TCF7L2: variants seen among roughly 807,000 people sequenced by gnomAD.
TCF7L2 encodes the protein transcription factor 7-like 2.
In TCF7L2, 23 loss-of-function variants were observed where a neutral mutation model predicts 77.9. The observed-to-expected ratio is 0.30, with a 90% confidence interval of 0.21 to 0.42. The LOEUF (loss-of-function observed/expected upper bound fraction) is 0.42. TCF7L2 is among the 10% of genes least tolerant of loss of function. The probability of loss-of-function intolerance (pLI) is 1.00; values close to 1 mark genes in which losing one functional copy is unlikely to be tolerated. For synonymous variants in TCF7L2, 413 were observed against 340.2 expected, an observed-to-expected ratio of 1.21 and a Z score of -2.36; for missense variants, 654 against 793.1, an observed-to-expected ratio of 0.82 and a Z score of 2.11.
intron 4 of TCF7L2, among the ~76,000 whole-genome samples, chr10:113,037,621 T>G (rs2051564520): frequency 6.6e-6 from 1 of 152,210 alleles, no homozygotes; most frequent in South Asian, 2.1e-4. Context: ...TAAGTCTCCA[T>G]GTTAATATTG....
rs567179932 is a variant in TCF7L2 at position 112,985,691 on chromosome 10, T to C, written c.450+21067T>C. Among the ~76,000 whole-genome samples the C allele has an allele frequency of 2.6e-5, 4 of 152,174 alleles. No individual in the cohort carries two copies. The East Asian group carries it at 7.7e-4, about 29-fold the overall frequency. On this transcript the variant is annotated intron_variant, in intron 4 of 13. Coordinates refer to ENST00000627217, the MANE Select transcript of TCF7L2 (RefSeq NM_001146274.2). ...CCTTGCTTTTTTTTGGGTGGAAGGG[T>C]CCTCGATTGGAGCCTCCTGGGGCGA...
At chr10:112,977,176 G>T (rs2039577795) in intron 4 of TCF7L2, among the ~76,000 whole-genome samples, 1 of 152,082 alleles carries the variant, frequency 6.6e-6, no homozygotes, top group Admixed American at 6.6e-5. Context: ...CCAGATTTTT[G>T]AGGTTGAGAT....
intron 5 of TCF7L2, among the ~76,000 whole-genome samples, chr10:113,069,157 G>A (rs2057633608): frequency 1.3e-5 from 2 of 152,106 alleles, no homozygotes; most frequent in African/African-American, 2.4e-5. Flanking sequence ...CCCCTTGGAA[G>A]GGGATGGTGG....
At chr10:113,067,878 GA>G (rs1222063731) in intron 5 of TCF7L2, among the ~76,000 whole-genome samples, 1 of 42,696 alleles carries the variant, frequency 2.3e-5, no homozygotes, top group South Asian at 7.2e-4. Flanking sequence ...TTTTTGGTGG[GA>G]GGGGGCTAGA....
intron 5 of TCF7L2, chr10:113,129,941 C>G: frequency 7.7e-7 from 1 of 1,293,618 alleles, no homozygotes; most frequent in Non-Finnish European, 1.0e-6. Context: ...TCCGGGGTCT[C>G]TCTGTTCCAG....
chr10:112,960,312 A>G (rs1231517180), intron 3 of TCF7L2, among the ~76,000 whole-genome samples: 1 of 152,166 alleles, frequency 6.6e-6, no homozygotes, highest in Non-Finnish European at 1.5e-5. Flanking sequence ...ATAATAAGGG[A>G]AGGGGTTAAT....
rs145396474 is a variant in TCF7L2 at position 113,160,832 on chromosome 10, T to G, written c.1391+141T>G. 5 of 795,740 alleles carry G rather than the reference T, an allele frequency of 6.3e-6. No homozygotes were observed. The African/African-American group carries it at 9.0e-5, about 14-fold the overall frequency. The allele number at this position is 795,740 out of a possible 1,614,324, so 49.3% of individuals were successfully genotyped here. Reference sequence around the variant, plus strand: ...ACTAATGATCCTCATTCTTCAAAATTTCCTTGCTAATTTTATGCCATTTCC... The same window carrying G: ...ACTAATGATCCTCATTCTTCAAAATGTCCTTGCTAATTTTATGCCATTTCC... On this transcript the variant is annotated intron_variant, in intron 13 of 13. Coordinates refer to ENST00000627217, the MANE Select transcript of TCF7L2 (RefSeq NM_001146274.2).
In TCF7L2 at chr10:113,141,180, A is replaced by C. The variant is rs2136838281; in HGVS notation, c.553-4A>C. On this transcript the variant is annotated splice_polypyrimidine_tract_variant and splice_region_variant and intron_variant, in intron 5 of 13. Transcript: ENST00000627217. The stretch of plus-strand genomic sequence containing the variant: ...GGTGTCTTTCTCTGTTCTCCTCCCC[A>C]CAGTCTAACAAAGTGCCAGTGGTGC... The C allele has an allele frequency of 1.2e-6, 2 of 1,613,866 alleles. No individual in the cohort carries two copies. The highest frequency in any genetic ancestry group is 1.7e-6 in the Non-Finnish European group (2 of 1,179,902).
At chr10:113,118,344 G>T (rs2064162617) in intron 5 of TCF7L2, among the ~76,000 whole-genome samples, 3 of 152,108 alleles carry the variant, frequency 2.0e-5, no homozygotes, top group Admixed American at 2.0e-4. Context: ...AATTTTACTG[G>T]AAACTTGTTT....
At chr10:112,967,222 C>T (rs375787073) in intron 4 of TCF7L2, among the ~76,000 whole-genome samples, 3 of 152,298 alleles carry the variant, frequency 2.0e-5, no homozygotes, top group Admixed American at 6.5e-5. Flanking sequence ...GCGTGATTGT[C>T]GGGGCAGAAT....
intron 4 of TCF7L2, among the ~76,000 whole-genome samples, chr10:113,024,959 AT>A (rs1277671220): frequency 6.6e-6 from 1 of 152,066 alleles, no homozygotes; most frequent in Non-Finnish European, 1.5e-5. Flanking sequence ...ATTTTAAATA[AT>A]TTTTGTGCAT....
rs142686130 is a variant in TCF7L2 at position 113,070,527 on chromosome 10, C to T, written c.552+30401C>T. Among the ~76,000 whole-genome samples the T allele has an allele frequency of 1.3e-3, 201 of 152,136 alleles. No homozygotes were observed. In the East Asian group the frequency reaches 0.036, roughly 27 times the overall value. The stretch of plus-strand genomic sequence containing the variant: ...GGCTTTCCCATAAAGGAGAGCCCTG[C>T]GGGAATCATCATGTGCCAGGCACTG... On this transcript the variant is annotated intron_variant, in intron 5 of 13. Coordinates refer to ENST00000627217, the MANE Select transcript of TCF7L2 (RefSeq NM_001146274.2).
chr10:113,123,704 T>G (rs1357467973), intron 5 of TCF7L2, among the ~76,000 whole-genome samples: 1 of 152,186 alleles, frequency 6.6e-6, no homozygotes, highest in Non-Finnish European at 1.5e-5. Context: ...CAATAATAAT[T>G]TGACACAAGT....
chr10:113,141,740 AGCCTCG>A (rs1012268746), intron 6 of TCF7L2, among the ~76,000 whole-genome samples: 1 of 152,162 alleles, frequency 6.6e-6, no homozygotes, highest in African/African-American at 2.4e-5. Flanking sequence ...TGGCTTTCCA[AGCCTCG>A]GCTCCCTCAC....
In TCF7L2 at chr10:113,165,684, C is replaced by G. The variant is rs2074001612; in HGVS notation, c.1521C>G (p.Ala507=). The change falls in exon 14 of 14, where the codon GCC becomes GCG. Residue 507 remains alanine (A), a synonymous_variant. Transcript: ENST00000627217. ...TGCTAGGCTCCCCTCCCCGAGACGC[C>G]AAGTCACAGACTGAGCAGACCCAGC... 6.2e-7 allele frequency: 1 copy of G among 1,611,534 alleles called. No individual in the cohort carries two copies. The highest frequency in any genetic ancestry group is 8.5e-7 in the Non-Finnish European group (1 of 1,178,880).
intron 8 of TCF7L2, among the ~76,000 whole-genome samples, chr10:113,147,813 G>C (rs562263383): frequency 6.6e-6 from 1 of 152,096 alleles, no homozygotes; most frequent in African/African-American, 2.4e-5. Flanking sequence ...TAAGCTGATC[G>C]ATTGAATTAT....
intron 5 of TCF7L2, among the ~76,000 whole-genome samples, chr10:113,095,576 C>T (rs1356375253): frequency 3.9e-5 from 6 of 152,168 alleles, no homozygotes; most frequent in South Asian, 2.1e-4. Context: ...GGGAACATGA[C>T]GTAGTCCCAC....
At chr10:113,115,875 C>G (rs990152125) in intron 5 of TCF7L2, among the ~76,000 whole-genome samples, 8 of 151,958 alleles carry the variant, frequency 5.3e-5, no homozygotes, top group Non-Finnish European at 1.2e-4. Context: ...GCACCCTTCC[C>G]CCTTAAACAG....
In TCF7L2 at chr10:112,981,928, A is replaced by G. The variant is rs141019524; in HGVS notation, c.450+17304A>G. Among the ~76,000 whole-genome samples, 231 of 152,292 alleles carry G rather than the reference A, an allele frequency of 1.5e-3. 1 individual carries two copies. The highest frequency in any genetic ancestry group is 2.6e-3 in the Non-Finnish European group (175 of 68,026). ...AGCCCCAGCATGCCAGCCCCCAGGA[A>G]TATTGAGACTGCTGTGGCTTCAGAA... On this transcript the variant is annotated intron_variant, in intron 4 of 13. Transcript: ENST00000627217.
Sources: gnomAD v4.1 joint callset for allele counts (sites outside exome capture counted in the v4.1 genomes callset) on GRCh38, gnomAD v4.1.1 for gene constraint, MANE v1.5 for transcripts, NCBI Gene and HGNC (gene_info 2026-07-23, HGNC 2026-07-21) for gene names.